The following CHST3 variants were observed in gnomAD, a reference collection of about 807,000 sequenced individuals.
The protein encoded by CHST3 is C6ST-1.
Under a neutral mutation model 35.4 loss-of-function variants are expected in CHST3, and 20 were observed. That is an observed-to-expected ratio of 0.57 (90% CI 0.40 to 0.82). The LOEUF is 0.82. CHST3 is among the 40% of genes least tolerant of loss of function. The pLI is 0.00. For missense variants in CHST3, 693 were observed against 670.1 expected, an observed-to-expected ratio of 1.03 and a Z score of -0.38; for synonymous variants, 334 against 295.9, an observed-to-expected ratio of 1.13 and a Z score of -1.32.
chr10:71,994,715 G>A (rs529030188), intron 1 of CHST3, among the ~76,000 whole-genome samples: 5 of 152,328 alleles, frequency 3.3e-5, no homozygotes, highest in Non-Finnish European at 7.4e-5. Flanking sequence ...GTCCTAGATG[G>A]TATCTTCTTT....
chr10:72,001,832 C>A (rs993535823), intron 1 of CHST3, among the ~76,000 whole-genome samples: 1 of 152,098 alleles, frequency 6.6e-6, no homozygotes, highest in Non-Finnish European at 1.5e-5. Flanking sequence ...AGAGATTTTT[C>A]GGTTCTACCC....
intron 1 of CHST3, among the ~76,000 whole-genome samples, chr10:71,980,683 A>G (rs1839792329): frequency 6.6e-6 from 1 of 152,212 alleles, no homozygotes. Context: ...TGATACTGCC[A>G]GTCTGGGGAC....
intron 1 of CHST3, among the ~76,000 whole-genome samples, chr10:72,001,278 T>C (rs539057992): frequency 6.6e-6 from 1 of 152,284 alleles, no homozygotes; most frequent in Admixed American, 6.5e-5. Context: ...TGGACAAAAC[T>C]GGGCCAAGGG....
intron 1 of CHST3, among the ~76,000 whole-genome samples, chr10:72,000,593 G>T (rs1839983599): frequency 1.3e-5 from 2 of 152,188 alleles, no homozygotes. Flanking sequence ...GTGGCAGGAA[G>T]GGCCAGGGTG....
intron 1 of CHST3, among the ~76,000 whole-genome samples, chr10:71,969,994 A>G (rs4148913): frequency 0.46 from 69,833 of 152,112 alleles, 16,488 homozygotes; most frequent in African/African-American, 0.57. Flanking sequence ...TCTAAGGCCT[A>G]AAGAGATGAC....
At chr10:71,981,695 G>T (rs1403150600) in intron 1 of CHST3, among the ~76,000 whole-genome samples, 3 of 152,210 alleles carry the variant, frequency 2.0e-5, no homozygotes, top group Non-Finnish European at 4.4e-5. Context: ...ATTCCGTTCT[G>T]TCCAATTCAA....
At chr10:71,984,513 T>C (rs1839829041) in intron 1 of CHST3, among the ~76,000 whole-genome samples, 1 of 152,212 alleles carries the variant, frequency 6.6e-6, no homozygotes, top group Admixed American at 6.5e-5. Context: ...GAAAGATCAG[T>C]TCCTGACTAG....
rs528032520 is a variant in CHST3 at position 71,984,050 on chromosome 10, T to C, written c.-108+19356T>C. On this transcript the variant is annotated intron_variant, in intron 1 of 2. Transcript: ENST00000373115. The stretch of plus-strand genomic sequence containing the variant: ...TTTGTTTGTTTGTTTTGAGACACAG[T>C]CTCACTCTGTCACCCAGGCTGGAGC... Among the ~76,000 whole-genome samples the C allele has an allele frequency of 4.3e-4, 65 of 152,314 alleles. No individual in the cohort carries two copies. In the South Asian group the frequency reaches 0.012, roughly 28 times the overall value.
intron 1 of CHST3, 89 bp from the exon 2 acceptor site, chr10:72,005,647 G>C (rs1840031002): frequency 3.0e-6 from 2 of 663,424 alleles, no homozygotes; most frequent in Non-Finnish European, 5.2e-6. Context: ...TGCTAACCAG[G>C]GCCGAGATCC....
chr10:71,996,842 T>G (rs1422542649), intron 1 of CHST3, among the ~76,000 whole-genome samples: 1 of 152,204 alleles, frequency 6.6e-6, no homozygotes, highest in Non-Finnish European at 1.5e-5. Context: ...TAGCTTCCTC[T>G]GTCCCCCTAA....
rs1291620904 is a variant in CHST3, at chr10:71,993,783, A to G, written c.-107-11953A>G. On this transcript the variant is annotated intron_variant, in intron 1 of 2. Coordinates refer to ENST00000373115, the MANE Select transcript of CHST3 (RefSeq NM_004273.5). ...ACCAGCCTGGGCAACATAGTGAGAC[A>G]TCTCTACAAATTAAAATTTAAAAAT... Among the ~76,000 whole-genome samples the G allele has an allele frequency of 2.0e-5, 3 of 152,076 alleles. No individual in the cohort carries two copies. The East Asian group carries it at 5.8e-4, about 29-fold the overall frequency.
chr10:71,981,503 G>A (rs1260542935), intron 1 of CHST3, among the ~76,000 whole-genome samples: 1 of 152,196 alleles, frequency 6.6e-6, no homozygotes, highest in African/African-American at 2.4e-5. Context: ...TTCTGCCCAG[G>A]TCAGCTCCCT....
Position 71,989,904 on chromosome 10 carries a change from A to C in CHST3, c.-107-15832A>C, listed in dbSNP as rs112835994. 2.7e-3 allele frequency among the ~76,000 whole-genome samples: 418 copies of C among 152,334 alleles called. 1 individual carries two copies. The highest frequency in any genetic ancestry group is 4.5e-3 in the Non-Finnish European group (308 of 68,028). On this transcript the variant is annotated intron_variant, in intron 1 of 2. Transcript: ENST00000373115. ...GAACAGCATTTTATGTCAGCCCTCC[A>C]GAACTTCCTCTTTCTTTTTAATCAT...
intron 1 of CHST3, among the ~76,000 whole-genome samples, chr10:71,977,157 C>T (rs1839753783): frequency 6.6e-6 from 1 of 152,246 alleles, no homozygotes; most frequent in Non-Finnish European, 1.5e-5. Context: ...ATTGCTAAGG[C>T]TGTCCCTTCC....
chr10:71,968,683 A>T (rs541334002), intron 1 of CHST3, among the ~76,000 whole-genome samples: 2 of 152,090 alleles, frequency 1.3e-5, no homozygotes, highest in Non-Finnish European at 2.9e-5. Context: ...CTCTGCTTGC[A>T]TTCTTCTTTT....
chr10:71,980,065 A>C (rs146986423), intron 1 of CHST3, among the ~76,000 whole-genome samples: 1 of 152,188 alleles, frequency 6.6e-6, no homozygotes, highest in Admixed American at 6.5e-5. Flanking sequence ...GGGAACTTTC[A>C]GGCCATGGCC....
intron 1 of CHST3, among the ~76,000 whole-genome samples, chr10:71,967,171 T>G (rs1839639627): frequency 6.6e-6 from 1 of 152,190 alleles, no homozygotes; most frequent in African/African-American, 2.4e-5. Context: ...TTTGTATTTT[T>G]TGTAGAGACA....
At position 72,007,522 on chromosome 10, in the gene CHST3, C is replaced by T. The variant is rs771866012; in HGVS notation, c.491C>T (p.Pro164Leu). Residue 164 changes from proline to leucine, a missense_variant, in exon 3 of 3, where the codon CCG becomes CTG. Coordinates refer to ENST00000373115, the MANE Select transcript of CHST3 (RefSeq NM_004273.5). The stretch of plus-strand genomic sequence containing the variant: ...GGCAACATCTTCTACCTCTTCGAGC[C>T]GCTGTGGCACATCGAGCGCACAGTG... The part of the protein sequence containing the change: ...QQGNIFYLFE[P>L]LWHIERTVSF... The T allele has an allele frequency of 2.5e-6, 4 of 1,604,002 alleles. No homozygotes were observed. In the South Asian group the frequency reaches 4.4e-5, roughly 18 times the overall value.
chr10:72,004,700 A>C (rs778663195), intron 1 of CHST3, among the ~76,000 whole-genome samples: 3 of 152,138 alleles, frequency 2.0e-5, no homozygotes, highest in Non-Finnish European at 4.4e-5. Context: ...TCCCGCATCT[A>C]TATTTTCTTC....
Sources: allele counts gnomAD v4.1 joint callset (sites outside exome capture counted in the v4.1 genomes callset), GRCh38; gene constraint gnomAD v4.1.1; transcripts MANE v1.5; gene names NCBI Gene and HGNC (gene_info 2026-07-23, HGNC 2026-07-21).